The following PLCE1 variants were observed in gnomAD, a reference collection of about 807,000 sequenced individuals.
PLCE1 encodes the protein 1-phosphatidylinositol 4,5-bisphosphate phosphodiesterase epsilon-1.
A neutral mutation model predicts 242.8 loss-of-function variants in PLCE1; 119 were observed. The ratio of observed to expected loss-of-function variants is 0.49; its 90% CI spans 0.42 to 0.57. The LOEUF (loss-of-function observed/expected upper bound fraction) is 0.57, where lower values mean the gene tolerates loss of function less well. PLCE1 is among the 20% of genes least tolerant of loss of function. The pLI, the probability that PLCE1 is intolerant of heterozygous loss-of-function variation, is 0.00. For synonymous variants in PLCE1, 945 were observed against 1,017.4 expected, an observed-to-expected ratio of 0.93 and a Z score of 1.35; for missense variants, 2,441 against 2,788.8, an observed-to-expected ratio of 0.88 and a Z score of 2.81.
intron 5 of PLCE1, among the ~76,000 whole-genome samples, chr10:94,229,526 G>A (rs2050070766): frequency 6.6e-6 from 1 of 152,168 alleles, no homozygotes; most frequent in Admixed American, 6.5e-5. Context: ...CTTGTGGGTG[G>A]GGACTGCACA....
At chr10:94,028,668 G>T (rs572839176) in intron 1 of PLCE1, among the ~76,000 whole-genome samples, 79 of 152,106 alleles carry the variant, frequency 5.2e-4, no homozygotes, top group Non-Finnish European at 7.4e-4. Context: ...TTGCAAAGTG[G>T]CCGGGCACAG....
chr10:94,247,720 G>T (rs1446432034), intron 8 of PLCE1, among the ~76,000 whole-genome samples: 3 of 152,210 alleles, frequency 2.0e-5, no homozygotes, highest in African/African-American at 7.2e-5. Flanking sequence ...GTTTTTCACA[G>T]TCAGCTGCTT....
At chr10:94,226,022 TTTGGTCTG>T (rs1399435501) in intron 4 of PLCE1, among the ~76,000 whole-genome samples, 1 of 152,200 alleles carries the variant, frequency 6.6e-6, no homozygotes, top group Non-Finnish European at 1.5e-5. Context: ...AGACCAAGAC[TTTGGTCTG>T]TTGACAACCA....
At chr10:94,310,925 T>C (rs2053367431) in intron 27 of PLCE1, among the ~76,000 whole-genome samples, 1 of 152,184 alleles carries the variant, frequency 6.6e-6, no homozygotes, top group Non-Finnish European at 1.5e-5. Flanking sequence ...TCACCAGGAC[T>C]TCTGACCAAA....
Position 94,204,312 on chromosome 10 carries a change from A to T in PLCE1, c.1810-22994A>T, listed in dbSNP as rs191846333. On this transcript the variant is annotated intron_variant, in intron 4 of 32. Coordinates refer to ENST00000371380, the MANE Select transcript of PLCE1 (RefSeq NM_016341.4). ...AAGGAGAGAAAGAAGGCAAAAAAGCATCAGCACATCAAATCATCAGAAACT... is the reference window on the plus strand; with the variant it reads ...AAGGAGAGAAAGAAGGCAAAAAAGCTTCAGCACATCAAATCATCAGAAACT... 6.9e-3 allele frequency among the ~76,000 whole-genome samples: 1,051 copies of T among 152,316 alleles called. 3 individuals carry two copies. Among genetic ancestry groups the T allele is most frequent in the Non-Finnish European group, 8.9e-3 (608 of 68,034 alleles).
At position 94,059,761 on chromosome 10, in the gene PLCE1, G is replaced by A. The variant is rs552927213; in HGVS notation, c.1206+27509G>A. ...TAACATAACTTCTAACTTGTTTGAG[G>A]GTAAATTTATTAGTGTTTCAAAACA... On this transcript the variant is annotated intron_variant, in intron 2 of 32. Coordinates refer to ENST00000371380, the MANE Select transcript of PLCE1 (RefSeq NM_016341.4). Among the ~76,000 whole-genome samples the A allele has an allele frequency of 1.9e-3, 295 of 152,188 alleles. 1 individual carries two copies. The highest frequency in any genetic ancestry group is 3.6e-3 in the Non-Finnish European group (244 of 68,000).
At chr10:94,271,745 C>T (rs2051748879) in intron 18 of PLCE1, among the ~76,000 whole-genome samples, 1 of 152,104 alleles carries the variant, frequency 6.6e-6, no homozygotes, top group East Asian at 1.9e-4. Context: ...GGAACCTGCC[C>T]CCAATGTTTC....
intron 14 of PLCE1, among the ~76,000 whole-genome samples, chr10:94,263,251 T>C (rs1294556676): frequency 6.6e-6 from 1 of 151,910 alleles, no homozygotes; most frequent in African/African-American, 2.4e-5. Flanking sequence ...TGGTGGTTCA[T>C]GCCTGTAATC....
At chr10:94,232,669 G>T (rs1267892315) in intron 5 of PLCE1, among the ~76,000 whole-genome samples, 1 of 152,014 alleles carries the variant, frequency 6.6e-6, no homozygotes, top group Non-Finnish European at 1.5e-5. Context: ...CACCCCCTGG[G>T]GTCCTGTCCT....
At chr10:94,318,479 T>C (rs906362926) in intron 29 of PLCE1, among the ~76,000 whole-genome samples, 2 of 152,186 alleles carry the variant, frequency 1.3e-5, no homozygotes, top group Non-Finnish European at 2.9e-5. Context: ...ATGGAAACCA[T>C]TTTACACTTA....
chr10:94,175,973 C>G (rs1262726125), intron 4 of PLCE1, among the ~76,000 whole-genome samples: 1 of 152,134 alleles, frequency 6.6e-6, no homozygotes, highest in Non-Finnish European at 1.5e-5. Context: ...TTGATGGACA[C>G]TTAGGTTGCT....
intron 2 of PLCE1, among the ~76,000 whole-genome samples, chr10:94,039,800 T>C (rs2061731865): frequency 6.6e-6 from 1 of 152,234 alleles, no homozygotes; most frequent in African/African-American, 2.4e-5. Flanking sequence ...TGATGGCAAA[T>C]GATGCTGAAC....
At chr10:94,248,210 A>G (rs965716956) in intron 8 of PLCE1, among the ~76,000 whole-genome samples, 2 of 152,196 alleles carry the variant, frequency 1.3e-5, no homozygotes, top group African/African-American at 4.8e-5. Context: ...TGAGTGACTA[A>G]CTTGATTAAT....
intron 4 of PLCE1, among the ~76,000 whole-genome samples, chr10:94,195,794 A>G (rs2048802718): frequency 6.6e-6 from 1 of 152,168 alleles, no homozygotes; most frequent in African/African-American, 2.4e-5. Context: ...TATCTGTACT[A>G]TACATCTAAA....
At chr10:94,089,475 A>C (rs1030938806) in intron 2 of PLCE1, 6 of 818,010 alleles carry the variant, frequency 7.3e-6, no homozygotes, top group Non-Finnish European at 1.1e-5. Context: ...TGTTAGCCAA[A>C]ATACAATTCC....
At chr10:94,243,769 T>C (rs1236486737) in intron 7 of PLCE1, among the ~76,000 whole-genome samples, 1 of 151,942 alleles carries the variant, frequency 6.6e-6, no homozygotes. Context: ...AATAACATCT[T>C]GTTTTTCTTT....
chr10:94,243,867 T>C (rs1485009439), intron 7 of PLCE1, among the ~76,000 whole-genome samples: 2 of 152,230 alleles, frequency 1.3e-5, no homozygotes, highest in Non-Finnish European at 2.9e-5. Flanking sequence ...ATGTATGTAT[T>C]TATGTATCAC....
chr10:94,106,763 C>A (rs529110638), intron 2 of PLCE1, among the ~76,000 whole-genome samples: 3 of 151,954 alleles, frequency 2.0e-5, no homozygotes, highest in Non-Finnish European at 4.4e-5. Flanking sequence ...TTAACCGTTC[C>A]AGTCCTCTCC....
intron 19 of PLCE1, among the ~76,000 whole-genome samples, chr10:94,278,565 G>A (rs578159004): frequency 3.3e-5 from 5 of 152,232 alleles, no homozygotes; most frequent in South Asian, 2.1e-4. Flanking sequence ...CCTATAACAT[G>A]TGATCACTGT....
Sources: allele counts gnomAD v4.1 joint callset (sites outside exome capture counted in the v4.1 genomes callset), GRCh38; gene constraint gnomAD v4.1.1; transcripts MANE v1.5; gene names NCBI Gene and HGNC (gene_info 2026-07-23, HGNC 2026-07-21).